Variants in TNXB observed in about 807,000 individuals in gnomAD.
The protein encoded by TNXB is tenascin XB, also known as tenascin-X.
A neutral mutation model predicts 340.5 loss-of-function variants in TNXB; 183 were observed. The observed-to-expected ratio is 0.54, with a 90% confidence interval of 0.48 to 0.61. The LOEUF is 0.61. TNXB is among the 20% of genes least tolerant of loss of function. The pLI is 0.00. For missense variants in TNXB, 4,613 were observed against 5,446.4 expected (o/e 0.85, Z 4.82); for synonymous variants, 2,121 against 2,314.5 (o/e 0.92, Z 2.40).
intron 24 of TNXB, among the ~76,000 whole-genome samples, 161 bp downstream of exon 24, chr6:32,055,690 C>A (rs967528566): frequency 2.0e-5 from 3 of 152,254 alleles, no homozygotes; most frequent in Non-Finnish European, 2.9e-5. Context: ...GAATCTCTGG[C>A]CCTAGCCCAA....
Position 32,046,454 on chromosome 6 carries a change from G to A in TNXB, c.10327C>T (p.Pro3443Ser). Reference protein sequence around the residue: ...GPISADSTTAPLEKELPPHLG... With the variant: ...GPISADSTTASLEKELPPHLG... ...TGGGGAGGTAGCTCCTTCTCCAGGG[G>A]AGCTGTGCAGAGGGAGGAGGGAAAG... Residue 3443 changes from proline to serine, a missense_variant and splice_region_variant, in exon 31 of 44, where the codon CCC (proline) becomes TCC (serine). By Grantham distance (74) the Pro-to-Ser change is moderately conservative (BLOSUM62 -1). Transcript: ENST00000644971. The surrounding 1 kb of genome is among the most constrained non-coding windows in gnomAD (Gnocchi z 6.9). 6.4e-7 allele frequency: 1 copy of A among 1,570,164 alleles called. No individual in the cohort carries two copies. The highest frequency in any genetic ancestry group is 1.3e-5 in the African/African-American group (1 of 74,334).
rs142207363 is a variant in TNXB, at chr6:32,047,370, G to A, written c.10324+364C>T. 1.8e-3 allele frequency among the ~76,000 whole-genome samples: 270 copies of A among 152,334 alleles called. 1 individual carries two copies. The highest frequency in any genetic ancestry group is 5.9e-3 in the African/African-American group (245 of 41,564). ...TCGGCTCCGAGTCAGGGAGGAGGGA[G>A]GAGGATGGGAACCACTACTGAGTCC... is the stretch of plus-strand genomic sequence containing the variant. On this transcript the variant is annotated intron_variant, in intron 30 of 43. Coordinates refer to ENST00000644971, the MANE Select transcript of TNXB (RefSeq NM_001365276.2). The surrounding 1 kb of genome is among the most constrained non-coding windows in gnomAD (Gnocchi z 6.2).
Position 32,081,916 on chromosome 6 carries a change from TG to T in TNXB, c.3736+119del. 3 of 1,017,604 alleles carry T rather than the reference TG, an allele frequency of 2.9e-6. No individual in the cohort carries two copies. The highest frequency in any genetic ancestry group is 1.6e-5 in the South Asian group (1 of 62,980). 63.0% of individuals were successfully genotyped at this position (1,017,604 alleles called of 1,614,324 possible). On this transcript the variant is annotated intron_variant, in intron 9 of 43. Coordinates refer to ENST00000644971, the MANE Select transcript of TNXB (RefSeq NM_001365276.2). The surrounding 1 kb of genome is among the most constrained non-coding windows in gnomAD (Gnocchi z 5.1). ...GTCTGGCTGCCCCTCAGCCCTGGAG[TG>T]GGGCCGGGAAGCTGGAGTCAGCTGT...
chr6:32,081,390 G>C lies in TNXB; in HGVS notation c.4020C>G (p.Pro1340=). Residue 1340 remains proline, a synonymous_variant, in exon 10 of 44, where the codon CCC becomes CCG. Transcript: ENST00000644971. The surrounding 1 kb of genome is among the most constrained non-coding windows in gnomAD (Gnocchi z 5.1). The stretch of plus-strand genomic sequence containing the variant: ...CACCAGTCTTGGCCACCACAGACTC[G>C]GGCCCCACACGCTGCCTGCCACGAA... ...YGLRGRQRVG[P]ESVVAKTAPQ... 2 of 1,542,434 alleles carry C rather than the reference G, an allele frequency of 1.3e-6. No individual in the cohort carries two copies. The highest frequency in any genetic ancestry group is 8.8e-7 in the Non-Finnish European group (1 of 1,141,306).
In TNXB at chr6:32,074,520, G is replaced by C. The variant is rs539788232; in HGVS notation, c.4376-568C>G. Among the ~76,000 whole-genome samples the C allele has an allele frequency of 6.6e-6, 1 of 152,198 alleles. No individual in the cohort carries two copies. The highest frequency in any genetic ancestry group is 2.4e-5 in the African/African-American group (1 of 41,506). On this transcript the variant is annotated intron_variant, in intron 11 of 43. Coordinates refer to ENST00000644971, the MANE Select transcript of TNXB (RefSeq NM_001365276.2). This position sits in a 1 kb window ranked among gnomAD's most constrained non-coding sequence, Gnocchi z 5.5. ...TTCCATCTATATGCCAATGACTCCA[G>C]ATTTACACCCTCTGTCCAGACCTCT...
intron 4 of TNXB, 28 bp downstream of exon 4, chr6:32,095,048 C>T: frequency 6.5e-7 from 1 of 1,530,502 alleles, no homozygotes; most frequent in Non-Finnish European, 8.8e-7. Flanking sequence ...CCACTCAGTC[C>T]CCTCCTGGAG....
At position 32,058,154 on chromosome 6, in the gene TNXB, C is replaced by A; in HGVS notation, c.7729G>T (p.Val2577Leu). 3 of 1,612,732 alleles carry A rather than the reference C, an allele frequency of 1.9e-6. No individual in the cohort carries two copies. The South Asian group carries it at 3.3e-5, about 18-fold the overall frequency. Residue 2577 changes from valine (V) to leucine (L), a missense_variant, in exon 22 of 44, where the codon GTG (valine) becomes TTG (leucine). Val to Leu is a conservative substitution (Grantham distance 32). Transcript: ENST00000644971. The surrounding 1 kb of genome is among the most constrained non-coding windows in gnomAD (Gnocchi z 5.1). ...RVGGQESKVTVRGLEPGRKYK... is the reference protein window; with the variant it reads ...RVGGQESKVTLRGLEPGRKYK... ...TTGCGCCCAGGCTCCAGGCCCCTCA[C>A]AGTGACCTTGCTCTCCTGGCCCCCA...
chr6:32,052,916 C>G lies in TNXB; in HGVS notation c.8869G>C (p.Glu2957Gln). ...PEPPEEPLLGELTVTGSSPDS... is the reference protein window; with the variant it reads ...PEPPEEPLLGQLTVTGSSPDS... ...GGGGAGGATCCTGTCACTGTCAGCT[C>G]CCCCAGGAGCGGCTCCTCAGGGGGC... The change falls in exon 26 of 44, where the codon GAG becomes CAG. Residue 2957 changes from glutamate to glutamine, a missense_variant. Physicochemically the swap from Glu to Gln is conservative, Grantham distance 29. Around this residue, in one of 7 missense-constraint regions of TNXB, gnomAD observed 4,327 missense variants for 4,859.4 expected, o/e 0.89. Transcript: ENST00000644971. This position sits in a 1 kb window ranked among gnomAD's most constrained non-coding sequence, Gnocchi z 4.7. The G allele has an allele frequency of 6.2e-7, 1 of 1,612,706 alleles. No individual in the cohort carries two copies. Among genetic ancestry groups the G allele is most frequent in the Non-Finnish European group, 8.5e-7 (1 of 1,179,816 alleles).
At chr6:32,107,956 T>A (rs891702852) in intron 1 of TNXB, among the ~76,000 whole-genome samples, 1 of 152,048 alleles carries the variant, frequency 6.6e-6, no homozygotes, top group Admixed American at 6.6e-5. Context: ...GGTTGGGGAA[T>A]CCAGATACCC....
At position 32,045,859 on chromosome 6, in the gene TNXB, A is replaced by G. The variant is rs570271455; in HGVS notation, c.10606+316T>C. On this transcript the variant is annotated intron_variant, in intron 31 of 43. Coordinates refer to ENST00000644971, the MANE Select transcript of TNXB (RefSeq NM_001365276.2). ...GGCAGGGAGGTTTGCCGCTATCTGG[A>G]CAAGGCCACCCTTCGGGGAGGCGAC... is the stretch of plus-strand genomic sequence containing the variant. The G allele has an allele frequency of 1.8e-5, 21 of 1,155,252 alleles. No homozygotes were observed. In the East Asian group the frequency reaches 8.6e-4, roughly 48 times the overall value. 71.6% of individuals were successfully genotyped at this position (1,155,252 alleles called of 1,614,324 possible).
chr6:32,070,378 C>A lies in TNXB; in HGVS notation c.5027G>T (p.Arg1676Leu). 6.3e-7 allele frequency: 1 copy of A among 1,598,212 alleles called. No individual in the cohort carries two copies. Among genetic ancestry groups the A allele is most frequent in the South Asian group, 1.1e-5 (1 of 89,408 alleles). ...RGDASPGAPP[R>L]LGELWVTDPT... Reference sequence around the variant, plus strand: ...GTCTGTCACCCACAGCTCCCCAAGGCGGGGTGGGGCCCCTGGGCTGGCGTC... The same window carrying A: ...GTCTGTCACCCACAGCTCCCCAAGGAGGGGTGGGGCCCCTGGGCTGGCGTC... Residue 1676 changes from arginine to leucine, a missense_variant, in exon 14 of 44, where the codon CGC (arginine) becomes CTC (leucine). Arg to Leu is a moderately radical substitution (Grantham distance 102). Transcript: ENST00000644971. The surrounding 1 kb of genome is among the most constrained non-coding windows in gnomAD (Gnocchi z 6.0).
chr6:32,084,402 C>T lies in TNXB; in HGVS notation c.3445+11G>A. 1.9e-6 allele frequency: 3 copies of T among 1,576,118 alleles called. No homozygotes were observed. Among genetic ancestry groups the T allele is most frequent in the Non-Finnish European group, 2.6e-6 (3 of 1,157,436 alleles). ...CAGTACAGAGGGCAGGGTGTTACTG[C>T]TGTCACTCACAGATCTTGGCTTCAG... is the stretch of plus-strand genomic sequence containing the variant. On this transcript the variant is annotated intron_variant, in intron 8 of 43. Coordinates refer to ENST00000644971, the MANE Select transcript of TNXB (RefSeq NM_001365276.2). The surrounding 1 kb of genome is among the most constrained non-coding windows in gnomAD (Gnocchi z 5.5).
At chr6:32,092,943 G>A (rs1025956688) in intron 4 of TNXB, among the ~76,000 whole-genome samples, 4 of 152,234 alleles carry the variant, frequency 2.6e-5, no homozygotes, top group African/African-American at 9.6e-5. Context: ...GGCCAAGCCT[G>A]GCACAGGCCA....
Position 32,073,591 on chromosome 6 carries a change from G to C in TNXB, c.4681+56C>G, listed in dbSNP as rs891264794. The C allele has an allele frequency of 6.6e-7, 1 of 1,507,914 alleles. No individual in the cohort carries two copies. Among genetic ancestry groups the C allele is most frequent in the African/African-American group, 1.4e-5 (1 of 72,752 alleles). The allele number at this position is 1,507,914 out of a possible 1,614,324, so 93.4% of individuals were successfully genotyped here. A position where few individuals can be genotyped will look rare whatever the true frequency, so the allele number is the denominator to read the frequency against. On this transcript the variant is annotated intron_variant, in intron 12 of 43. Coordinates refer to ENST00000644971, the MANE Select transcript of TNXB (RefSeq NM_001365276.2). This position sits in a 1 kb window ranked among gnomAD's most constrained non-coding sequence, Gnocchi z 4.6. Reference sequence around the variant, plus strand: ...AAGGCAGGGCTGGAAGAAGGGCCATGGGGTGGGGGAGCTCTGGGTAACCAG... The same window carrying C: ...AAGGCAGGGCTGGAAGAAGGGCCATCGGGTGGGGGAGCTCTGGGTAACCAG...
rs1779514971 is a variant in TNXB, at chr6:32,082,299, G to A, written c.3473C>T (p.Thr1158Ile). ...CCACAGGTTTCCCAGGTGGGGTGGA[G>A]TCCCTGGACTTGGGTCACTCTGAGG... ...ILPQSDPSPG[T>I]PPHLGNLWVT... Residue 1158 changes from threonine (T) to isoleucine (I), a missense_variant, in exon 9 of 44, where the codon ACT becomes ATT. By Grantham distance (89) the Thr-to-Ile change is moderately conservative. Coordinates refer to ENST00000644971, the MANE Select transcript of TNXB (RefSeq NM_001365276.2). The surrounding 1 kb of genome is among the most constrained non-coding windows in gnomAD (Gnocchi z 5.0). The A allele has an allele frequency of 1.2e-6, 2 of 1,600,406 alleles. No homozygotes were observed. The highest frequency in any genetic ancestry group is 1.3e-5 in the African/African-American group (1 of 74,888).
Position 32,046,304 on chromosome 6 carries a change from C to T in TNXB, c.10477G>A (p.Val3493Met), listed in dbSNP as rs978797272. ...YRDTDGQPRA[V>M]PVAADQRTVT... Reference sequence around the variant, plus strand: ...GTGCGCTGGTCTGCGGCCACAGGCACTGCCCTGGGCTGCCCGTCCGTGTCC... The same window carrying T: ...GTGCGCTGGTCTGCGGCCACAGGCATTGCCCTGGGCTGCCCGTCCGTGTCC... Residue 3493 changes from valine (V) to methionine (M), a missense_variant, in exon 31 of 44, where the codon GTG (valine) becomes ATG (methionine). Val to Met is a conservative substitution (Grantham distance 21, BLOSUM62 1). This residue lies in a region of TNXB where 4,327 missense variants were observed against 4,859.4 expected (regional missense o/e 0.89). Transcript: ENST00000644971. The surrounding 1 kb of genome is among the most constrained non-coding windows in gnomAD (Gnocchi z 6.9). 1 of 1,606,482 alleles carries T rather than the reference C, an allele frequency of 6.2e-7. No homozygotes were observed. Among genetic ancestry groups the T allele is most frequent in the Non-Finnish European group, 8.5e-7 (1 of 1,178,140 alleles).
In TNXB at chr6:32,079,574, T is replaced by G. The variant is rs17201567; in HGVS notation, c.4043-209A>C. Among the ~76,000 whole-genome samples, 1,593 of 152,262 alleles carry G rather than the reference T, an allele frequency of 0.01. 9 individuals are homozygous for G. The highest frequency in any genetic ancestry group is 0.014 in the African/African-American group (602 of 41,548). ...TGTGGGGGTGAGGGGTCTCCCTTCG[T>G]GTCTGAGAAAGGAGCTGAGATGGGA... On this transcript the variant is annotated intron_variant, in intron 10 of 43. Coordinates refer to ENST00000644971, the MANE Select transcript of TNXB (RefSeq NM_001365276.2). This position sits in a 1 kb window ranked among gnomAD's most constrained non-coding sequence, Gnocchi z 7.1.
chr6:32,088,943 T>C lies in TNXB; in HGVS notation c.2621A>G (p.Tyr874Cys). 15 of 1,607,528 alleles carry C rather than the reference T, an allele frequency of 9.3e-6. No individual in the cohort carries two copies. Among genetic ancestry groups the C allele is most frequent in the African/African-American group, 1.3e-5 (1 of 74,916 alleles). ...CACCCTCTGGTTGCCGGCACTGACGTAGGACACCACAAATCGGTCCACCTC... is the reference window on the plus strand; with the variant it reads ...CACCCTCTGGTTGCCGGCACTGACGCAGGACACCACAAATCGGTCCACCTC... ...QAEVDRFVVSYVSAGNQRVRL... is the reference protein window; with the variant it reads ...QAEVDRFVVSCVSAGNQRVRL... Residue 874 changes from tyrosine (Y) to cysteine (C), a missense_variant, in exon 6 of 44, where the codon TAC (tyrosine) becomes TGC (cysteine). This residue lies in a region of TNXB where 4,327 missense variants were observed against 4,859.4 expected (regional missense o/e 0.89). Transcript: ENST00000644971.
Position 32,044,016 on chromosome 6 carries a change from C to T in TNXB, c.11377G>A (p.Ala3793Thr). Reference sequence around the variant, plus strand: ...ATGGCAAAGGCACCACCTCCGTCCGCCAGCTGGTAGGAGACTTTGAAGCTG... The same window carrying T: ...ATGGCAAAGGCACCACCTCCGTCCGTCAGCTGGTAGGAGACTTTGAAGCTG... ...ADSFKVSYQL[A>T]DGGEPQSVQV... Residue 3793 changes from alanine to threonine, a missense_variant, in exon 34 of 44, where the codon GCG becomes ACG. This residue lies in a region of TNXB where 14 missense variants were observed against 33.4 expected (regional missense o/e 0.42). Transcript: ENST00000644971. 1 of 1,589,762 alleles carries T rather than the reference C, an allele frequency of 6.3e-7. No individual in the cohort carries two copies. The highest frequency in any genetic ancestry group is 8.6e-7 in the Non-Finnish European group (1 of 1,168,686).
Sources: gnomAD v4.1 joint callset for allele counts (sites outside exome capture counted in the v4.1 genomes callset) on GRCh38, gnomAD v4.1.1 for gene constraint, gnomAD v4.1.1 regional missense constraint, Gnocchi (gnomAD v3.1) non-coding constraint, MANE v1.5 for transcripts, NCBI Gene and HGNC (gene_info 2026-07-23, HGNC 2026-07-21) for gene names.